Variants in MECOM observed in about 807,000 individuals in gnomAD.
MECOM encodes MDS1 and EVI1 complex locus, also known as histone-lysine N-methyltransferase MECOM.
Under a neutral mutation model 116.3 loss-of-function variants are expected in MECOM, and 13 were observed. The observed-to-expected ratio is 0.11, with a 90% CI of 0.07 to 0.18. The LOEUF is 0.18. Among genes scored for constraint, MECOM ranks in the 10% least tolerant of loss-of-function variants. The probability of loss-of-function intolerance (pLI) is 1.00; values close to 1 mark genes in which losing one functional copy is unlikely to be tolerated. For missense variants in MECOM, 1,299 were observed against 1,509.0 expected, an observed-to-expected ratio of 0.86 and a Z score of 2.31; for synonymous variants, 528 against 535.2, an observed-to-expected ratio of 0.99 and a Z score of 0.19.
At chr3:169,468,673 G>A (rs950970289) in intron 1 of MECOM, among the ~76,000 whole-genome samples, 16 of 152,140 alleles carry the variant, frequency 1.1e-4, no homozygotes, top group African/African-American at 3.9e-4. Flanking sequence ...TACTTTATAG[G>A]AAATCAAATG....
intron 1 of MECOM, among the ~76,000 whole-genome samples, chr3:169,423,554 C>G (rs1740129420): frequency 6.6e-6 from 1 of 152,070 alleles, no homozygotes; most frequent in African/African-American, 2.4e-5. Context: ...GATAAAGAAA[C>G]TATACAAAAG....
At chr3:169,085,695 C>T (rs1717478875) in intron 16 of MECOM, among the ~76,000 whole-genome samples, 2 of 152,152 alleles carry the variant, frequency 1.3e-5, no homozygotes, top group Non-Finnish European at 2.9e-5. Flanking sequence ...AAACCAAACA[C>T]AAGACCCAAC....
At chr3:169,251,673 A>T (rs975846758) in intron 2 of MECOM, among the ~76,000 whole-genome samples, 1 of 152,196 alleles carries the variant, frequency 6.6e-6, no homozygotes, top group Admixed American at 6.5e-5. Flanking sequence ...GTCTTGGCCA[A>T]GTGTCTCCAG....
intron 1 of MECOM, among the ~76,000 whole-genome samples, chr3:169,631,492 G>T (rs989955196): frequency 3.3e-5 from 5 of 151,628 alleles, no homozygotes; most frequent in African/African-American, 1.2e-4. Flanking sequence ...TTAAGTTTTA[G>T]GGTACATGTG....
At chr3:169,128,915 G>A (rs915885419) in intron 4 of MECOM, among the ~76,000 whole-genome samples, 22 of 152,066 alleles carry the variant, frequency 1.4e-4, no homozygotes, top group Admixed American at 3.9e-4. Context: ...GCCACACTCC[G>A]CACAGATCAC....
At chr3:169,627,204 C>A (rs1339663040) in intron 1 of MECOM, among the ~76,000 whole-genome samples, 1 of 152,160 alleles carries the variant, frequency 6.6e-6, no homozygotes. Flanking sequence ...CAGGTGTACA[C>A]GGCCCAGCAA....
chr3:169,212,649 T>C (rs1359386987), intron 2 of MECOM, among the ~76,000 whole-genome samples: 2 of 55,996 alleles, frequency 3.6e-5, no homozygotes, highest in Non-Finnish European at 6.9e-5. Flanking sequence ...TATATATATA[T>C]ATATATATAT....
chr3:169,262,339 A>G (rs1424880288), intron 2 of MECOM, among the ~76,000 whole-genome samples: 1 of 152,218 alleles, frequency 6.6e-6, no homozygotes, highest in African/African-American at 2.4e-5. Flanking sequence ...TCAAATGTAA[A>G]AGCTCAGCTA....
chr3:169,424,478 G>C (rs1487611285), intron 1 of MECOM, among the ~76,000 whole-genome samples: 2 of 152,096 alleles, frequency 1.3e-5, no homozygotes, highest in African/African-American at 4.8e-5. Context: ...AAAAGTCACA[G>C]CTCATGACCT....
intron 2 of MECOM, among the ~76,000 whole-genome samples, chr3:169,232,980 G>T (rs535206080): frequency 6.6e-6 from 1 of 151,916 alleles, no homozygotes; most frequent in Non-Finnish European, 1.5e-5. Flanking sequence ...TTCCTGGCAG[G>T]TCCCCAACAA....
At chr3:169,647,743 AG>A (rs1774363792) in intron 1 of MECOM, among the ~76,000 whole-genome samples, 1 of 152,180 alleles carries the variant, frequency 6.6e-6, no homozygotes, top group Admixed American at 6.5e-5. Flanking sequence ...AGCTGATAAA[AG>A]CTTATACATA....
chr3:169,597,039 G>A (rs992991652), intron 1 of MECOM, among the ~76,000 whole-genome samples: 2 of 151,978 alleles, frequency 1.3e-5, no homozygotes, highest in Admixed American at 6.6e-5. Flanking sequence ...TCCAAGCTAG[G>A]GTATAGGAAA....
chr3:169,491,452 C>A (rs955072781), intron 1 of MECOM, among the ~76,000 whole-genome samples: 2 of 152,048 alleles, frequency 1.3e-5, no homozygotes, highest in African/African-American at 4.8e-5. Flanking sequence ...TACATACAGA[C>A]ACTAACATTA....
intron 1 of MECOM, among the ~76,000 whole-genome samples, chr3:169,605,711 C>T (rs1240033342): frequency 6.6e-6 from 1 of 152,134 alleles, no homozygotes; most frequent in Non-Finnish European, 1.5e-5. Context: ...TGCCTATAGG[C>T]TAAATCATCA....
chr3:169,444,431 C>A (rs527882774), intron 1 of MECOM, among the ~76,000 whole-genome samples: 17 of 152,172 alleles, frequency 1.1e-4, no homozygotes, highest in Admixed American at 9.2e-4. Context: ...GTGTTATTCT[C>A]GTGATAGTGA....
intron 2 of MECOM, among the ~76,000 whole-genome samples, chr3:169,198,977 G>C (rs1748802511): frequency 6.6e-6 from 1 of 151,962 alleles, no homozygotes; most frequent in South Asian, 2.1e-4. Flanking sequence ...GATGGAATAA[G>C]TGTGGTCTAT....
intron 1 of MECOM, among the ~76,000 whole-genome samples, chr3:169,569,540 C>T (rs1291895171): frequency 6.6e-6 from 1 of 152,162 alleles, no homozygotes; most frequent in Non-Finnish European, 1.5e-5. Context: ...TTCTTCTCAG[C>T]ACCATATCAC....
Position 169,416,443 on chromosome 3 carries a change from C to A in MECOM, c.38-34919G>T, listed in dbSNP as rs180674773. The stretch of plus-strand genomic sequence containing the variant: ...AAATGGGAAAGATCTAAAATTGACA[C>A]CCTAATGTCACAATTAAAAGAACTA... On this transcript the variant is annotated intron_variant, in intron 1 of 16. Transcript: ENST00000651503. Among the ~76,000 whole-genome samples the A allele has an allele frequency of 7.0e-3, 1,061 of 152,042 alleles. 11 individuals are homozygous for A. The highest frequency in any genetic ancestry group is 0.012 in the Non-Finnish European group (791 of 67,988).
At chr3:169,542,628 A>G (rs769848424) in intron 1 of MECOM, among the ~76,000 whole-genome samples, 9 of 152,222 alleles carry the variant, frequency 5.9e-5, no homozygotes, top group Non-Finnish European at 1.3e-4. Context: ...CAAGATCTCA[A>G]CTGTGAAGTA....
Sources: gnomAD v4.1 joint callset for allele counts (sites outside exome capture counted in the v4.1 genomes callset) on GRCh38, gnomAD v4.1.1 for gene constraint, MANE v1.5 for transcripts, NCBI Gene and HGNC (gene_info 2026-07-23, HGNC 2026-07-21) for gene names.